ATG7: variants seen among roughly 807,000 people sequenced by gnomAD.
ATG7 encodes autophagy related 7, also known as ubiquitin-like modifier-activating enzyme ATG7.
A neutral mutation model predicts 82.4 loss-of-function variants in ATG7; 70 were observed. The observed-to-expected ratio is 0.85, with a 90% CI of 0.70 to 1.04. The LOEUF (loss-of-function observed/expected upper bound fraction) is 1.04, where lower values mean the gene tolerates loss of function less well. Ranked by LOEUF, ATG7 falls within the 50% of genes least tolerant of loss-of-function variation. The pLI, the probability that ATG7 is intolerant of heterozygous loss-of-function variation, is 0.00. For synonymous variants in ATG7, 287 were observed against 313.0 expected (o/e 0.92, Z 0.88); for missense variants, 792 against 864.3 (o/e 0.92, Z 1.05).
intron 19 of ATG7, among the ~76,000 whole-genome samples, chr3:11,423,365 A>T (rs1429893011): frequency 2.0e-5 from 3 of 152,234 alleles, no homozygotes; most frequent in African/African-American, 7.2e-5. Context: ...AAAGTTTGAA[A>T]TATTGTGAGA....
At chr3:11,502,228 T>A (rs972875286) in intron 20 of ATG7, among the ~76,000 whole-genome samples, 25 of 151,962 alleles carry the variant, frequency 1.6e-4, no homozygotes, top group East Asian at 3.9e-4. Context: ...TAATTTATTT[T>A]TTATTATTAT....
Position 11,364,706 on chromosome 3 carries a change from C to T in ATG7, c.1847C>T (p.Pro616Leu). 2 of 1,614,156 alleles carry T rather than the reference C, an allele frequency of 1.2e-6. No individual in the cohort carries two copies. Among genetic ancestry groups the T allele is most frequent in the African/African-American group, 2.7e-5 (2 of 75,040 alleles). The change falls in exon 18 of 21, where the codon CCA (proline) becomes CTA (leucine). Residue 616 changes from proline to leucine, a missense_variant. Pro to Leu is a moderately conservative substitution (Grantham distance 98). Transcript: ENST00000693202. ...AGTGACGATCGGATGAATGAGCCTC[C>T]AACCTCTCTTGGGCTTGTGCCTCAC... ...SSSDDRMNEPPTSLGLVPHQI... is the reference protein window; with the variant it reads ...SSSDDRMNEPLTSLGLVPHQI...
downstream of ATG7, chr3:11,558,500 G>C: frequency 8.2e-7 from 1 of 1,219,750 alleles, no homozygotes; most frequent in Non-Finnish European, 1.1e-6. Context: ...AGTACTGACT[G>C]TTCAAAGCTC....
chr3:11,571,199 C>T, the ATG7 span, among the ~76,000 whole-genome samples: 7 of 152,286 alleles, frequency 4.6e-5, no homozygotes, highest in African/African-American at 1.7e-4. Flanking sequence ...GGTCCATCCT[C>T]GCTGGCAGGG....
downstream of ATG7, among the ~76,000 whole-genome samples, chr3:11,559,703 G>A (rs1461765677): frequency 2.0e-5 from 3 of 152,224 alleles, no homozygotes; most frequent in Non-Finnish European, 4.4e-5. Flanking sequence ...AAGGACAAAA[G>A]CTCAACTGTT....
chr3:11,450,941 C>T (rs2085059576), intron 20 of ATG7, among the ~76,000 whole-genome samples: 1 of 152,184 alleles, frequency 6.6e-6, no homozygotes, highest in Non-Finnish European at 1.5e-5. Context: ...TAATTTCATC[C>T]TCCAAGGCTG....
intron 19 of ATG7, among the ~76,000 whole-genome samples, chr3:11,395,076 G>A (rs546715572): frequency 5.9e-5 from 9 of 152,124 alleles, no homozygotes; most frequent in African/African-American, 9.6e-5. Flanking sequence ...TCTAAAATAC[G>A]GCTTTCCAGA....
chr3:11,570,809 A>C, the ATG7 span, among the ~76,000 whole-genome samples: 3 of 152,022 alleles, frequency 2.0e-5, no homozygotes, highest in Non-Finnish European at 4.4e-5. Context: ...CCTGCTTCTA[A>C]ATGTCCCCGA....
chr3:11,374,986 T>G (rs2077298706), intron 18 of ATG7, among the ~76,000 whole-genome samples: 1 of 149,384 alleles, frequency 6.7e-6, no homozygotes, highest in African/African-American at 2.5e-5. Flanking sequence ...GAGGATCGCT[T>G]GAGCCCTGAG....
At chr3:11,540,908 G>GGCC (rs1326861543) in intron 20 of ATG7, among the ~76,000 whole-genome samples, 1 of 116,966 alleles carries the variant, frequency 8.5e-6, no homozygotes, top group Non-Finnish European at 1.8e-5. Context: ...AGCTTTTTTT[G>GGCC]GGGGGGGGAG....
intron 9 of ATG7, among the ~76,000 whole-genome samples, chr3:11,321,898 T>C (rs1035394844): frequency 5.3e-5 from 8 of 152,208 alleles, no homozygotes; most frequent in Non-Finnish European, 1.2e-4. Flanking sequence ...AGCTATTCCA[T>C]AAAAATGGAG....
At chr3:11,500,277 T>A (rs1482783729) in intron 20 of ATG7, among the ~76,000 whole-genome samples, 1 of 151,616 alleles carries the variant, frequency 6.6e-6, no homozygotes, top group Admixed American at 6.6e-5. Flanking sequence ...TTGGTTGGAG[T>A]AAGGAGGTGG....
chr3:11,561,683 T>C (rs1201608700), downstream of ATG7, among the ~76,000 whole-genome samples: 1 of 152,068 alleles, frequency 6.6e-6, no homozygotes, highest in Non-Finnish European at 1.5e-5. Context: ...ACACCCTTAT[T>C]TTCCAGATGG....
At chr3:11,568,650 T>G in the ATG7 span, 8 of 1,566,336 alleles carry the variant, frequency 5.1e-6, no homozygotes, top group Non-Finnish European at 6.9e-6. The surrounding 1 kb of genome is among the most constrained non-coding windows in gnomAD (Gnocchi z 5.9). Context: ...AGACAGACAT[T>G]GTTTTCCAGG....
chr3:11,500,185 C>T (rs1276213471), intron 20 of ATG7, among the ~76,000 whole-genome samples: 1 of 152,104 alleles, frequency 6.6e-6, no homozygotes, highest in Non-Finnish European at 1.5e-5. Flanking sequence ...AATATGAACA[C>T]AGTTGTATGG....
intron 16 of ATG7, 87 bp downstream of exon 16, chr3:11,360,871 T>C: frequency 7.5e-7 from 1 of 1,327,670 alleles, no homozygotes; most frequent in East Asian, 2.3e-5. Flanking sequence ...CATTTATGAC[T>C]ATTTAAATAT....
chr3:11,474,593 C>G (rs1249100550), intron 20 of ATG7, among the ~76,000 whole-genome samples: 1 of 152,152 alleles, frequency 6.6e-6, no homozygotes, highest in African/African-American at 2.4e-5. Context: ...GAGTAAGCCC[C>G]TATCTCCCCA....
chr3:11,279,489 A>T (rs929128718), intron 1 of ATG7, among the ~76,000 whole-genome samples: 1 of 152,094 alleles, frequency 6.6e-6, no homozygotes, highest in African/African-American at 2.4e-5. Context: ...TTCGAGACCA[A>T]CCTGACCAAC....
At chr3:11,340,829 C>T in intron 12 of ATG7, 94 bp downstream of exon 12, 2 of 1,118,224 alleles carry the variant, frequency 1.8e-6, no homozygotes, top group South Asian at 1.4e-5. Flanking sequence ...TGTAATTCAG[C>T]CCAGGGGGTG....
Sources: gnomAD v4.1 joint callset for allele counts (sites outside exome capture counted in the v4.1 genomes callset) on GRCh38, gnomAD v4.1.1 for gene constraint, Gnocchi (gnomAD v3.1) non-coding constraint, MANE v1.5 for transcripts, NCBI Gene and HGNC (gene_info 2026-07-23, HGNC 2026-07-21) for gene names.